Variants in DNAH5 observed in about 807,000 individuals in gnomAD.
The protein encoded by DNAH5 is dynein axonemal heavy chain 5.
Under a neutral mutation model 518.2 loss-of-function variants are expected in DNAH5, and 372 were observed. The observed-to-expected ratio is 0.72, with a 90% CI of 0.66 to 0.78. DNAH5 has a LOEUF of 0.78. Ranked by LOEUF, DNAH5 falls within the 30% of genes least tolerant of loss-of-function variation. The pLI is 0.00. For synonymous variants in DNAH5, 2,039 were observed against 2,025.9 expected (o/e 1.01, Z -0.17); for missense variants, 5,523 against 5,687.0 (o/e 0.97, Z 0.93).
In DNAH5 at chr5:13,777,278, G is replaced by C. The variant is rs1466923267; in HGVS notation, c.9029C>G (p.Thr3010Ser). Residue 3010 changes from threonine (T) to serine (S), a missense_variant, in exon 54 of 79, where the codon ACT becomes AGT. Coordinates refer to ENST00000265104, the MANE Select transcript of DNAH5 (RefSeq NM_001369.3). Reference protein sequence around the residue: ...RTAGQQGKGITFIFTDNEIKD... With the variant: ...RTAGQQGKGISFIFTDNEIKD... ...AATCTCATTGTCTGTGAAAATAAAA[G>C]TGATTCCTTTGCCTTGCTGACCAGC... is the stretch of plus-strand genomic sequence containing the variant. The C allele has an allele frequency of 6.2e-7, 1 of 1,613,262 alleles. No homozygotes were observed. Among genetic ancestry groups the C allele is most frequent in the Middle Eastern group, 1.7e-4 (1 of 6,054 alleles).
intron 49 of DNAH5, 124 bp downstream of exon 49, chr5:13,793,391 G>C: frequency 1.3e-6 from 1 of 774,332 alleles, no homozygotes; most frequent in South Asian, 1.4e-5. Flanking sequence ...GAGAGTGATG[G>C]AGGCTGTAGA....
chr5:13,739,065 C>T (rs570877999), intron 65 of DNAH5, among the ~76,000 whole-genome samples: 2 of 152,272 alleles, frequency 1.3e-5, no homozygotes, highest in South Asian at 2.1e-4. Flanking sequence ...GTGCGTTTGA[C>T]AGTTCTGACT....
rs1002725260 is a variant in DNAH5, at chr5:13,979,011, C to G, written c.12+32637G>C. Among the ~76,000 whole-genome samples, 27 of 152,232 alleles carry G rather than the reference C, an allele frequency of 1.8e-4. 1 individual carries two copies. The highest frequency in any genetic ancestry group is 3.4e-3 in the Middle Eastern group (1 of 294). On this transcript the variant is annotated intron_variant, in intron 1 of 78. Transcript: ENST00000681290. ...CTCCCAGTTCTACTCTGAGTAAAAG[C>G]CAACATCTCCACGAAGGCCTCGAGA...
At chr5:13,884,593 T>G (rs1047662876) in intron 19 of DNAH5, among the ~76,000 whole-genome samples, 2 of 152,238 alleles carry the variant, frequency 1.3e-5, no homozygotes, top group East Asian at 1.9e-4. Flanking sequence ...TCCCAACACT[T>G]TGGGAGGCCG....
chr5:13,697,258 C>T (rs902644432), intron 78 of DNAH5, among the ~76,000 whole-genome samples: 5 of 152,190 alleles, frequency 3.3e-5, no homozygotes, highest in African/African-American at 1.2e-4. Flanking sequence ...AGATGTCACA[C>T]TACCCTAAGA....
At chr5:13,813,789 A>C (rs1023061857) in intron 43 of DNAH5, among the ~76,000 whole-genome samples, 1 of 152,238 alleles carries the variant, frequency 6.6e-6, no homozygotes, top group Non-Finnish European at 1.5e-5. Context: ...GTAAAAAGTT[A>C]GGATATAACC....
At chr5:13,870,179 G>A (rs776223148) in intron 24 of DNAH5, among the ~76,000 whole-genome samples, 1 of 152,126 alleles carries the variant, frequency 6.6e-6, no homozygotes, top group Non-Finnish European at 1.5e-5. Context: ...CCATAGTAAG[G>A]ATGAAATGAG....
chr5:13,707,268 C>T lies in DNAH5; in HGVS notation c.13338+855G>A, dbSNP rs1742916943. Among the ~76,000 whole-genome samples, 1 of 152,210 alleles carries T rather than the reference C, an allele frequency of 6.6e-6. No homozygotes were observed. The highest frequency in any genetic ancestry group is 2.4e-5 in the African/African-American group (1 of 41,460). ...CCTTCCCACTCCATCCCCCTTCTGG[C>T]TCCCCATCCACCTTGCTGAGAGCAA... On this transcript the variant is annotated intron_variant, in intron 76 of 78. Transcript: ENST00000265104. The surrounding 1 kb of genome is among the most constrained non-coding windows in gnomAD (Gnocchi z 4.0).
At chr5:13,905,803 C>A (rs1775215318) in intron 12 of DNAH5, among the ~76,000 whole-genome samples, 1 of 151,870 alleles carries the variant, frequency 6.6e-6, no homozygotes, top group Non-Finnish European at 1.5e-5. Context: ...AAACTTATAT[C>A]CACAGAAAAA....
chr5:13,770,206 A>G (rs1414236860), intron 56 of DNAH5, among the ~76,000 whole-genome samples: 2 of 152,244 alleles, frequency 1.3e-5, no homozygotes, highest in African/African-American at 2.4e-5. Context: ...CTGATCAGAA[A>G]AGCATAGGGC....
At chr5:13,913,704 G>A (rs1281752072) in intron 11 of DNAH5, 39 bp downstream of exon 11, 2 of 1,608,872 alleles carry the variant, frequency 1.2e-6, no homozygotes, top group African/African-American at 1.3e-5. Context: ...AAGTTTAGTT[G>A]TGGATTATGT....
chr5:13,988,371 T>C (rs1783209056), intron 1 of DNAH5, among the ~76,000 whole-genome samples: 3 of 152,014 alleles, frequency 2.0e-5, no homozygotes, highest in Admixed American at 2.0e-4. Context: ...TTGGAAGGAA[T>C]TGTGCTTGCT....
chr5:13,984,656 G>A (rs1782908757), intron 1 of DNAH5, among the ~76,000 whole-genome samples: 1 of 152,172 alleles, frequency 6.6e-6, no homozygotes, highest in Non-Finnish European at 1.5e-5. Flanking sequence ...TATGATATTG[G>A]CTGTGGGTTT....
intron 63 of DNAH5, among the ~76,000 whole-genome samples, chr5:13,752,858 A>G (rs766292632): frequency 2.6e-5 from 4 of 152,166 alleles, no homozygotes; most frequent in Non-Finnish European, 2.9e-5. Context: ...TCTGTGTGGG[A>G]ACAATGTTTT....
chr5:13,946,847 G>GT (rs1274795735), upstream of DNAH5, among the ~76,000 whole-genome samples: 7 of 152,244 alleles, frequency 4.6e-5, no homozygotes, highest in African/African-American at 1.7e-4. Context: ...ACAAAAGCTC[G>GT]TGAGTGCCTT....
intron 3 of DNAH5, among the ~76,000 whole-genome samples, chr5:13,926,315 G>A (rs1164086789): frequency 2.6e-5 from 4 of 152,184 alleles, no homozygotes; most frequent in Admixed American, 2.6e-4. Flanking sequence ...ACAAGAGCAA[G>A]GTAAGAGTGC....
At chr5:13,898,346 T>C in intron 15 of DNAH5, 1 of 384,322 alleles carries the variant, frequency 2.6e-6, no homozygotes, top group Non-Finnish European at 4.6e-6. Context: ...AATCTTATAA[T>C]TATAGTTTCT....
chr5:13,752,904 T>C (rs1454107962), intron 63 of DNAH5, among the ~76,000 whole-genome samples: 1 of 152,182 alleles, frequency 6.6e-6, no homozygotes, highest in African/African-American at 2.4e-5. Context: ...CAAATAATAA[T>C]GTAATAATTA....
intron 71 of DNAH5, among the ~76,000 whole-genome samples, chr5:13,719,449 A>T (rs973422162): frequency 3.9e-5 from 6 of 152,168 alleles, no homozygotes; most frequent in African/African-American, 1.4e-4. Flanking sequence ...TAAAACTACA[A>T]TGAAGAAAAT....
Sources: allele counts gnomAD v4.1 joint callset (sites outside exome capture counted in the v4.1 genomes callset), GRCh38; gene constraint gnomAD v4.1.1; non-coding constraint Gnocchi (gnomAD v3.1); transcripts MANE v1.5; gene names NCBI Gene and HGNC (gene_info 2026-07-23, HGNC 2026-07-21).